SYN2: variants seen among roughly 807,000 people sequenced by gnomAD.
SYN2 encodes synapsin II, also known as synapsin-2.
SYN2 carries 19 observed loss-of-function variants against 50.9 expected under a neutral mutation model. The observed-to-expected ratio is 0.37, with a 90% CI of 0.26 to 0.55. SYN2 has a LOEUF of 0.55. SYN2 is among the 20% of genes least tolerant of loss of function. The pLI is 0.81. For synonymous variants in SYN2, 255 were observed against 224.9 expected (o/e 1.13, Z -1.20); for missense variants, 587 against 576.4 (o/e 1.02, Z -0.19).
chr3:12,138,463 C>T (rs1256970570), intron 1 of SYN2, among the ~76,000 whole-genome samples: 1 of 152,186 alleles, frequency 6.6e-6, no homozygotes, highest in African/African-American at 2.4e-5. Context: ...GTGTTCAAAA[C>T]CCACAAAATA....
chr3:12,113,188 A>C (rs1559424985), intron 1 of SYN2, among the ~76,000 whole-genome samples: 1 of 152,142 alleles, frequency 6.6e-6, no homozygotes, highest in Non-Finnish European at 1.5e-5. Context: ...TTCTTGTACC[A>C]ATATCTTCAT....
At chr3:12,184,242 A>G in intron 11 of SYN2, 2 of 985,910 alleles carry the variant, frequency 2.0e-6, no homozygotes, top group Non-Finnish European at 1.2e-6. Flanking sequence ...GCTGATGTGC[A>G]ATATCAAAGT....
intron 12 of SYN2, among the ~76,000 whole-genome samples, chr3:12,188,219 C>G (rs1392651884): frequency 1.3e-5 from 2 of 152,248 alleles, no homozygotes; most frequent in Non-Finnish European, 2.9e-5. Context: ...GAACTCCATC[C>G]TCTTGGGTTC....
intron 1 of SYN2, among the ~76,000 whole-genome samples, chr3:12,035,185 C>G (rs1694470045): frequency 1.3e-5 from 2 of 152,222 alleles, no homozygotes; most frequent in South Asian, 4.1e-4. Context: ...GAATAATCTT[C>G]CTTGATTCCA....
chr3:12,118,009 A>G (rs1461483090), intron 1 of SYN2, among the ~76,000 whole-genome samples: 4 of 152,214 alleles, frequency 2.6e-5, no homozygotes, highest in Non-Finnish European at 5.9e-5. Flanking sequence ...GAGATGGAAT[A>G]TATACAGTAA....
chr3:12,067,337 A>G (rs1049433256), intron 1 of SYN2, among the ~76,000 whole-genome samples: 2 of 152,194 alleles, frequency 1.3e-5, no homozygotes, highest in Non-Finnish European at 2.9e-5. Context: ...TCAACTCTAT[A>G]TGAGAGGTAA....
At chr3:12,128,216 A>G (rs942724653) in intron 1 of SYN2, among the ~76,000 whole-genome samples, 1 of 152,128 alleles carries the variant, frequency 6.6e-6, no homozygotes. Flanking sequence ...AAGTGCTGGG[A>G]TTACAGGTGT....
At chr3:12,008,159 G>C (rs960001296) in intron 1 of SYN2, among the ~76,000 whole-genome samples, 2 of 152,126 alleles carry the variant, frequency 1.3e-5, no homozygotes, top group African/African-American at 2.4e-5. Context: ...GAAGAGATAC[G>C]TTTTCTCTCA....
chr3:12,163,481 C>A (rs1232667976), intron 7 of SYN2, among the ~76,000 whole-genome samples: 1 of 151,754 alleles, frequency 6.6e-6, no homozygotes, highest in Non-Finnish European at 1.5e-5. Context: ...CTGTCCCATA[C>A]CACCCTTCAC....
intron 4 of SYN2, among the ~76,000 whole-genome samples, chr3:12,148,159 TGCCAGAGGCCAGGGCAGGAAGAATG>T (rs1168822201): frequency 6.6e-6 from 1 of 151,954 alleles, no homozygotes; most frequent in African/African-American, 2.4e-5. Flanking sequence ...TCCTAAACTG[TGCCAGAGGCCAGGGCAGGAAGAATG>T]GGGAGAGCCT....
chr3:12,010,932 T>C (rs1574884283), intron 1 of SYN2, among the ~76,000 whole-genome samples: 1 of 152,326 alleles, frequency 6.6e-6, no homozygotes, highest in African/African-American at 2.4e-5. Context: ...TCATCAATGA[T>C]GGGAATTGGG....
At chr3:12,119,177 A>G (rs59067429) in intron 1 of SYN2, among the ~76,000 whole-genome samples, 12,028 of 151,898 alleles carry the variant, frequency 0.079, 584 homozygotes, top group African/African-American at 0.13. Context: ...TTAGAGAAGC[A>G]GGCTTCTTTT....
At chr3:12,092,048 A>G (rs1695841449) in intron 1 of SYN2, among the ~76,000 whole-genome samples, 1 of 152,278 alleles carries the variant, frequency 6.6e-6, no homozygotes, top group South Asian at 2.1e-4. Flanking sequence ...AGATCAATCC[A>G]TTCTTCTTTT....
intron 4 of SYN2, among the ~76,000 whole-genome samples, chr3:12,149,301 C>A (rs1165284069): frequency 6.6e-6 from 1 of 152,190 alleles, no homozygotes; most frequent in Non-Finnish European, 1.5e-5. Flanking sequence ...TGCTGGAGAG[C>A]CTTAGGAGCA....
intron 10 of SYN2, among the ~76,000 whole-genome samples, chr3:12,175,452 T>A (rs945873984): frequency 2.0e-5 from 3 of 152,346 alleles, no homozygotes; most frequent in East Asian, 1.9e-4. Flanking sequence ...TTGTCACCAT[T>A]CCTCACAGGC....
At chr3:12,175,687 A>G (rs1698050744) in intron 10 of SYN2, among the ~76,000 whole-genome samples, 1 of 152,234 alleles carries the variant, frequency 6.6e-6, no homozygotes, top group African/African-American at 2.4e-5. Flanking sequence ...AGGAACACCT[A>G]AAATGGGGAC....
Position 12,149,616 on chromosome 3 carries a change from G to C in SYN2, c.685-1621G>C, listed in dbSNP as rs150083539. Among the ~76,000 whole-genome samples, 64 of 152,236 alleles carry C rather than the reference G, an allele frequency of 4.2e-4. No individual in the cohort carries two copies. In the East Asian group the frequency reaches 0.01, roughly 24 times the overall value. ...CTCAATCTCAATTTGTCAAATCAGAGGGCTGGCCTAGAGACTCTATAAAGT... is the reference window on the plus strand; with the variant it reads ...CTCAATCTCAATTTGTCAAATCAGACGGCTGGCCTAGAGACTCTATAAAGT... On this transcript the variant is annotated intron_variant, in intron 4 of 12. Transcript: ENST00000621198.
rs114334185 is a variant in SYN2, at chr3:12,111,415, T to C, written c.378-29236T>C. Among the ~76,000 whole-genome samples, 699 of 152,294 alleles carry C rather than the reference T, an allele frequency of 4.6e-3. 5 individuals carry two copies. The highest frequency in any genetic ancestry group is 0.016 in the African/African-American group (647 of 41,570). On this transcript the variant is annotated intron_variant, in intron 1 of 12. Transcript: ENST00000621198. ...GACTAATACACTTACCTAATGGGGT[T>C]GTGGTCTGTATATACTTAGCATGGT...
chr3:12,063,239 CACTT>C (rs1378111338), intron 1 of SYN2, among the ~76,000 whole-genome samples: 1 of 151,864 alleles, frequency 6.6e-6, no homozygotes, highest in African/African-American at 2.4e-5. Context: ...TTTAAAAAAT[CACTT>C]AGGGGATTGG....
Sources: allele counts gnomAD v4.1 joint callset (sites outside exome capture counted in the v4.1 genomes callset), GRCh38; gene constraint gnomAD v4.1.1; transcripts MANE v1.5; gene names NCBI Gene and HGNC (gene_info 2026-07-23, HGNC 2026-07-21).